SEMA4D: variants seen among roughly 807,000 people sequenced by gnomAD.
SEMA4D encodes the protein semaphorin 4D.
In SEMA4D, 22 loss-of-function variants were observed where a neutral mutation model predicts 74.8. That is an observed-to-expected ratio of 0.29 (90% CI 0.21 to 0.42). SEMA4D has a LOEUF of 0.42. SEMA4D is among the 10% of genes least tolerant of loss of function. The pLI, the probability that SEMA4D is intolerant of heterozygous loss-of-function variation, is 1.00. For synonymous variants in SEMA4D, 445 were observed against 463.7 expected, an observed-to-expected ratio of 0.96 and a Z score of 0.52; for missense variants, 937 against 1,118.4, an observed-to-expected ratio of 0.84 and a Z score of 2.31.
intron 1 of SEMA4D, among the ~76,000 whole-genome samples, chr9:89,493,313 T>C (rs1825768512): frequency 6.6e-6 from 1 of 152,200 alleles, no homozygotes; most frequent in Non-Finnish European, 1.5e-5. Flanking sequence ...GGTGGTTCTG[T>C]GCAGGCGCAA....
At chr9:89,415,459 C>G (rs188565368) in intron 2 of SEMA4D, among the ~76,000 whole-genome samples, 5 of 152,286 alleles carry the variant, frequency 3.3e-5, no homozygotes, top group Admixed American at 6.5e-5. Flanking sequence ...TGGATTACCC[C>G]CAAATTCAGA....
At chr9:89,363,644 C>A in intron 17 of SEMA4D, 1 of 1,589,012 alleles carries the variant, frequency 6.3e-7, no homozygotes, top group South Asian at 1.1e-5. Context: ...AGAATGCCAC[C>A]GTGCAAGCAT....
chr9:89,363,578 A>AC, intron 17 of SEMA4D: 1 of 1,609,578 alleles, frequency 6.2e-7, no homozygotes, highest in Non-Finnish European at 8.5e-7. Context: ...CCTTTATGGC[A>AC]CCCTTGATGC....
At chr9:89,383,911 T>A (rs76907933) in intron 13 of SEMA4D, among the ~76,000 whole-genome samples, 2,793 of 152,170 alleles carry the variant, frequency 0.018, 104 homozygotes, top group African/African-American at 0.063. Flanking sequence ...ATTGTCCCCT[T>A]GCAGGCAGCT....
At chr9:89,431,993 A>G (rs1164588618) in intron 2 of SEMA4D, among the ~76,000 whole-genome samples, 5 of 152,016 alleles carry the variant, frequency 3.3e-5, no homozygotes, top group Non-Finnish European at 7.4e-5. Context: ...ACCTCAGTGT[A>G]CCTTCCCTTC....
intron 2 of SEMA4D, among the ~76,000 whole-genome samples, chr9:89,428,370 C>G (rs528393512): frequency 6.6e-6 from 1 of 152,214 alleles, no homozygotes; most frequent in Admixed American, 6.5e-5. Flanking sequence ...ACTGGAAGGA[C>G]GAGGGCAAGA....
intron 2 of SEMA4D, among the ~76,000 whole-genome samples, chr9:89,430,268 C>A (rs1413909644): frequency 6.6e-6 from 1 of 152,164 alleles, no homozygotes; most frequent in Non-Finnish European, 1.5e-5. Flanking sequence ...GTCCCTGCTC[C>A]CCAGCAGCCA....
intron 1 of SEMA4D, among the ~76,000 whole-genome samples, chr9:89,465,263 T>TC (rs1447304955): frequency 1.3e-5 from 2 of 151,890 alleles, no homozygotes; most frequent in African/African-American, 4.8e-5. Flanking sequence ...GGGGCCTAAG[T>TC]CCCCAGGAAA....
intron 2 of SEMA4D, among the ~76,000 whole-genome samples, chr9:89,444,788 G>A (rs551180637): frequency 1.1e-4 from 17 of 152,082 alleles, no homozygotes; most frequent in Admixed American, 9.2e-4. Context: ...AGACATATTC[G>A]ACCATAAAAT....
chr9:89,379,510 T>C lies in SEMA4D; in HGVS notation c.1783A>G (p.Lys595Glu). 1.9e-6 allele frequency: 3 copies of C among 1,614,198 alleles called. No homozygotes were observed. The highest frequency in any genetic ancestry group is 2.5e-6 in the Non-Finnish European group (3 of 1,180,042). Residue 595 changes from lysine to glutamate, a missense_variant, in exon 16 of 16, where the codon AAG becomes GAG. Coordinates refer to ENST00000422704, the MANE Select transcript of SEMA4D (RefSeq NM_001371194.2). ...AGACCGTACTTGGGGCTCTCGGCCT[T>C]CAACACGCCATTCTGGAACTTCCAA... ...VFWKFQNGVLKAESPKYGLMG... is the reference protein window; with the variant it reads ...VFWKFQNGVLEAESPKYGLMG...
intron 2 of SEMA4D, among the ~76,000 whole-genome samples, chr9:89,430,987 T>C (rs1156731806): frequency 6.6e-6 from 1 of 151,758 alleles, no homozygotes; most frequent in African/African-American, 2.4e-5. Context: ...GAGGGAAAAA[T>C]ACCAAAAAAC....
intron 2 of SEMA4D, among the ~76,000 whole-genome samples, chr9:89,446,776 G>A (rs1852979794): frequency 6.6e-6 from 1 of 152,152 alleles, no homozygotes; most frequent in South Asian, 2.1e-4. Flanking sequence ...AGGCACACTG[G>A]CGGGGGAGGA....
chr9:89,403,092 C>T, intron 3 of SEMA4D, 76 bp from the exon 4 acceptor site: 2 of 1,520,448 alleles, frequency 1.3e-6, no homozygotes, highest in Non-Finnish European at 1.8e-6. Context: ...TGAGCACATC[C>T]TAGGTCCCTG....
At chr9:89,440,590 C>A (rs1354254692) in intron 2 of SEMA4D, among the ~76,000 whole-genome samples, 1 of 152,136 alleles carries the variant, frequency 6.6e-6, no homozygotes, top group Non-Finnish European at 1.5e-5. Context: ...CCCCTGGTCT[C>A]CTGGAAAAAA....
rs138965574 is a variant in SEMA4D at position 89,496,858 on chromosome 9, G to C, written c.-310+1061C>G. Among the ~76,000 whole-genome samples, 812 of 152,322 alleles carry C rather than the reference G, an allele frequency of 5.3e-3. 7 individuals carry two copies. Among genetic ancestry groups the C allele is most frequent in the African/African-American group, 0.017 (722 of 41,580 alleles). ...CCCCAGGAAAGGAAACTTCCGTTCC[G>C]TGGCGCCTGGTGGATTTGAAAAGAC... On this transcript the variant is annotated intron_variant, in intron 1 of 15. Coordinates refer to ENST00000422704, the MANE Select transcript of SEMA4D (RefSeq NM_001371194.2).
chr9:89,471,611 CGCCAGCTCAGGTGCAT>C (rs1860277664), intron 1 of SEMA4D, among the ~76,000 whole-genome samples: 1 of 114,350 alleles, frequency 8.7e-6, no homozygotes, highest in African/African-American at 3.0e-5. Context: ...CTCAGGTGCA[CGCCAGCTCAGGTGCAT>C]ACAGGCTGAG....
chr9:89,467,531 ATTTTTTT>A (rs35017295), intron 1 of SEMA4D, among the ~76,000 whole-genome samples: 3 of 128,374 alleles, frequency 2.3e-5, no homozygotes, highest in African/African-American at 8.7e-5. Flanking sequence ...GGAGCGCATG[ATTTTTTT>A]TTTTTTTTTT....
At chr9:89,446,312 C>G (rs954309060) in intron 2 of SEMA4D, among the ~76,000 whole-genome samples, 1 of 152,212 alleles carries the variant, frequency 6.6e-6, no homozygotes, top group Admixed American at 6.5e-5. Flanking sequence ...AGATCCTCAA[C>G]TTAGTCCCAG....
intron 1 of SEMA4D, among the ~76,000 whole-genome samples, chr9:89,463,341 C>T (rs996476969): frequency 2.6e-5 from 4 of 152,132 alleles, no homozygotes; most frequent in Admixed American, 2.0e-4. Flanking sequence ...TTAACCAAGC[C>T]CATTCATTTC....
Sources: allele counts gnomAD v4.1 joint callset (sites outside exome capture counted in the v4.1 genomes callset), GRCh38; gene constraint gnomAD v4.1.1; transcripts MANE v1.5; gene names NCBI Gene and HGNC (gene_info 2026-07-23, HGNC 2026-07-21).